The following TRPM3 variants were observed in gnomAD, a reference collection of about 807,000 sequenced individuals.
TRPM3 encodes the protein transient receptor potential cation channel subfamily M member 3, also known as long transient receptor potential channel 3.
In TRPM3, 77 loss-of-function variants were observed where a neutral mutation model predicts 181.2. That is an observed-to-expected ratio of 0.42 (90% CI 0.35 to 0.51). The LOEUF (loss-of-function observed/expected upper bound fraction) is 0.51. Among genes scored for constraint, TRPM3 ranks in the 20% least tolerant of loss-of-function variants. TRPM3 has a pLI of 0.01. For missense variants in TRPM3, 1,759 were observed against 2,196.7 expected (o/e 0.80, Z 3.98); for synonymous variants, 745 against 796.4 (o/e 0.94, Z 1.09).
At chr9:71,178,980 T>C (rs2077253123) in intron 1 of TRPM3, among the ~76,000 whole-genome samples, 1 of 152,168 alleles carries the variant, frequency 6.6e-6, no homozygotes, top group African/African-American at 2.4e-5. Context: ...AAAATATTTT[T>C]AACATTTTAA....
intron 6 of TRPM3, among the ~76,000 whole-genome samples, chr9:70,810,296 G>A (rs2091754577): frequency 6.9e-6 from 1 of 145,402 alleles, no homozygotes. Flanking sequence ...GTGGGTAAAT[G>A]ATCAGGAGGC....
chr9:71,404,530 CTA>C (rs1477252018), intron 1 of TRPM3, among the ~76,000 whole-genome samples: 1 of 152,164 alleles, frequency 6.6e-6, no homozygotes, highest in Non-Finnish European at 1.5e-5. Flanking sequence ...CCTCTTATCT[CTA>C]TGTCTTATGT....
In TRPM3 at chr9:70,552,931, A is replaced by C. The variant is rs142501264; in HGVS notation, c.3487T>G (p.Phe1163Val). 8.7e-5 allele frequency: 141 copies of C among 1,614,100 alleles called. No homozygotes were observed. Among genetic ancestry groups the C allele is most frequent in the Non-Finnish European group, 1.2e-4 (137 of 1,180,026 alleles). ...TGGAATATCATGGTCATGTGGCTGA[A>C]GATGATCAGTGGTGGGGGCAGAACT... The part of the protein sequence containing the change: ...RPVLPPPLII[F>V]SHMTMIFQHL... The change falls in exon 24 of 26, where the codon TTC becomes GTC. Residue 1163 changes from phenylalanine (F) to valine (V), a missense_variant. Coordinates refer to ENST00000677713, the MANE Select transcript of TRPM3 (RefSeq NM_001366145.2).
chr9:70,700,418 C>T (rs746306940), intron 8 of TRPM3, among the ~76,000 whole-genome samples: 30 of 152,054 alleles, frequency 2.0e-4, no homozygotes, highest in South Asian at 6.2e-4. Context: ...TGGTGGAGGC[C>T]GGGATAGGGG....
At chr9:70,688,171 T>C (rs1467584166) in intron 8 of TRPM3, among the ~76,000 whole-genome samples, 1 of 152,130 alleles carries the variant, frequency 6.6e-6, no homozygotes, top group Non-Finnish European at 1.5e-5. Context: ...CAGGCCATCT[T>C]CCATGCCTGA....
chr9:71,190,474 C>G (rs905290184), intron 1 of TRPM3, among the ~76,000 whole-genome samples: 1 of 151,816 alleles, frequency 6.6e-6, no homozygotes, highest in African/African-American at 2.4e-5. Flanking sequence ...ACAATCTTTT[C>G]CCACATCCGA....
At chr9:71,090,545 C>T (rs116130601) in intron 1 of TRPM3, among the ~76,000 whole-genome samples, 422 of 152,262 alleles carry the variant, frequency 2.8e-3, no homozygotes, top group African/African-American at 9.5e-3. Flanking sequence ...CTAAGAGACG[C>T]TTCCCAGACT....
At chr9:71,156,202 T>C (rs1207242961) in intron 1 of TRPM3, among the ~76,000 whole-genome samples, 1 of 151,982 alleles carries the variant, frequency 6.6e-6, no homozygotes, top group African/African-American at 2.4e-5. Context: ...TGAGTGGGTG[T>C]TTGAGGGTGT....
chr9:70,768,344 C>T (rs2079538912), intron 7 of TRPM3, among the ~76,000 whole-genome samples: 1 of 152,084 alleles, frequency 6.6e-6, no homozygotes, highest in East Asian at 1.9e-4. Flanking sequence ...TCTTTTAGGC[C>T]TTGGTGCCTG....
chr9:70,612,182 A>T (rs1436514154), intron 18 of TRPM3, among the ~76,000 whole-genome samples: 1 of 152,200 alleles, frequency 6.6e-6, no homozygotes, highest in African/African-American at 2.4e-5. Flanking sequence ...GAGATCACTC[A>T]CTCACTAGAA....
rs200989224 is a variant in TRPM3, at chr9:70,787,891, C to A, written c.974-3612G>T. On this transcript the variant is annotated intron_variant, in intron 6 of 25. Transcript: ENST00000677713. Reference sequence around the variant, plus strand: ...CATTATCTCTAACAACAATACATATCCACATAGTGAACACACTCATGTAAC... The same window carrying A: ...CATTATCTCTAACAACAATACATATACACATAGTGAACACACTCATGTAAC... Among the ~76,000 whole-genome samples, 9 of 148,486 alleles carry A rather than the reference C, an allele frequency of 6.1e-5. No individual in the cohort carries two copies. In the East Asian group the frequency reaches 1.8e-3, roughly 30 times the overall value.
At chr9:71,271,162 G>C (rs779481232) in intron 1 of TRPM3, among the ~76,000 whole-genome samples, 1 of 152,114 alleles carries the variant, frequency 6.6e-6, no homozygotes, top group Non-Finnish European at 1.5e-5. Flanking sequence ...TTCTCATATA[G>C]AGCTCTTGTG....
intron 18 of TRPM3, among the ~76,000 whole-genome samples, chr9:70,613,101 T>C (rs1354504823): frequency 3.3e-5 from 5 of 152,346 alleles, no homozygotes; most frequent in East Asian, 3.9e-4. Flanking sequence ...TATTCCAGCA[T>C]GAATGCATTT....
intron 1 of TRPM3, among the ~76,000 whole-genome samples, chr9:71,101,679 G>A (rs1040985324): frequency 6.6e-6 from 1 of 152,136 alleles, no homozygotes; most frequent in Non-Finnish European, 1.5e-5. Flanking sequence ...GAAAACCAAA[G>A]ACATCACTTT....
chr9:71,127,255 GA>G (rs1184336129), intron 1 of TRPM3, among the ~76,000 whole-genome samples: 2 of 134,028 alleles, frequency 1.5e-5, no homozygotes, highest in Non-Finnish European at 3.2e-5. Flanking sequence ...AAATTAATTA[GA>G]ATACTCAACA....
intron 7 of TRPM3, chr9:70,774,270 C>A: frequency 6.5e-6 from 1 of 153,646 alleles, no homozygotes; most frequent in South Asian, 1.9e-4. Context: ...TCAGCCTATT[C>A]AATATGAAAA....
At chr9:71,179,666 C>T (rs539755232) in intron 1 of TRPM3, among the ~76,000 whole-genome samples, 16 of 152,194 alleles carry the variant, frequency 1.1e-4, no homozygotes, top group Middle Eastern at 3.4e-3. Flanking sequence ...AGGGGCAGGA[C>T]GCTAACTTAG....
intron 1 of TRPM3, among the ~76,000 whole-genome samples, chr9:70,977,626 A>T (rs2097318036): frequency 6.6e-6 from 1 of 152,210 alleles, no homozygotes; most frequent in Non-Finnish European, 1.5e-5. Flanking sequence ...TCCATTTCAG[A>T]CACCAACAGT....
intron 1 of TRPM3, chr9:70,917,573 C>A: frequency 2.3e-6 from 1 of 426,754 alleles, no homozygotes; most frequent in South Asian, 2.9e-5. Context: ...GTTGTTATAT[C>A]AACTTAAAAT....
Sources: gnomAD v4.1 joint callset for allele counts (sites outside exome capture counted in the v4.1 genomes callset) on GRCh38, gnomAD v4.1.1 for gene constraint, MANE v1.5 for transcripts, NCBI Gene and HGNC (gene_info 2026-07-23, HGNC 2026-07-21) for gene names.